Variants in CA5A observed in about 807,000 individuals in gnomAD.
CA5A encodes carbonic anhydrase 5A, mitochondrial.
A neutral mutation model predicts 37.1 loss-of-function variants in CA5A; 28 were observed. The ratio of observed to expected loss-of-function variants is 0.75; its 90% CI spans 0.56 to 1.03. The LOEUF is 1.03. Ranked by LOEUF, CA5A falls within the 50% of genes least tolerant of loss-of-function variation. The pLI, the probability that CA5A is intolerant of heterozygous loss-of-function variation, is 0.00. For synonymous variants in CA5A, 171 were observed against 158.4 expected, an observed-to-expected ratio of 1.08 and a Z score of -0.60; for missense variants, 444 against 399.9, an observed-to-expected ratio of 1.11 and a Z score of -0.94.
intron 2 of CA5A, among the ~76,000 whole-genome samples, chr16:87,913,653 G>GC (rs201970341): frequency 2.6e-4 from 37 of 139,958 alleles, no homozygotes; most frequent in African/African-American, 4.1e-4. Context: ...CTGTGCCGTG[G>GC]CCCCCCCCTC....
chr16:87,885,190 AAAC>A (rs534897829), downstream of CA5A: 23 of 169,954 alleles, frequency 1.4e-4, no homozygotes, highest in Admixed American at 3.0e-4. Context: ...AAACAAAACA[AAAC>A]AACAACAACA....
chr16:87,903,661 G>C (rs2055914039), intron 3 of CA5A, among the ~76,000 whole-genome samples: 1 of 152,150 alleles, frequency 6.6e-6, no homozygotes, highest in Admixed American at 6.5e-5. Flanking sequence ...GAGATTACAA[G>C]CAATTTTCAT....
chr16:87,891,725 A>T (rs2055716595), intron 6 of CA5A, 74 bp downstream of exon 6: 1 of 1,252,190 alleles, frequency 8.0e-7, no homozygotes, highest in Admixed American at 3.5e-5. Flanking sequence ...CTCATGCAGC[A>T]TCTTAGTGAC....
chr16:87,893,264 A>G, intron 5 of CA5A: 1 of 431,462 alleles, frequency 2.3e-6, no homozygotes, highest in East Asian at 4.2e-5. Flanking sequence ...AGTAGCTGGG[A>G]CTACATCTTC....
At chr16:87,915,355 C>T (rs2056121674) in intron 2 of CA5A, among the ~76,000 whole-genome samples, 1 of 152,006 alleles carries the variant, frequency 6.6e-6, no homozygotes. Flanking sequence ...GTACCCACAG[C>T]ATTGTAGAAC....
intron 2 of CA5A, chr16:87,923,847 A>G: frequency 1.0e-6 from 1 of 984,908 alleles, no homozygotes; most frequent in Non-Finnish European, 1.2e-6. Flanking sequence ...TATCCATGAC[A>G]ACTATTGTTC....
At chr16:87,881,813 A>G (rs927176198) in exon 5 of CA5A, 3 of 152,146 alleles carry the variant, frequency 2.0e-5, no homozygotes, top group Non-Finnish European at 4.4e-5. Flanking sequence ...GTTTCATCTC[A>G]GTGTGTCCAG....
chr16:87,917,634 T>C (rs533752499), intron 2 of CA5A, among the ~76,000 whole-genome samples: 86 of 150,380 alleles, frequency 5.7e-4, no homozygotes, highest in South Asian at 4.0e-3. Context: ...AACACACATG[T>C]GCGCACACAC....
At chr16:87,888,298 G>A (rs2055666996) in intron 6 of CA5A, 26 bp from the exon 7 acceptor site, 1 of 1,602,434 alleles carries the variant, frequency 6.2e-7, no homozygotes, top group Non-Finnish European at 8.5e-7. Flanking sequence ...GCCAGGGTGA[G>A]CTTGGTATGA....
chr16:87,935,026 T>C (rs2056452903), intron 1 of CA5A, among the ~76,000 whole-genome samples: 1 of 152,154 alleles, frequency 6.6e-6, no homozygotes, highest in Admixed American at 6.5e-5. Context: ...CATCCTTCCA[T>C]GGCCCTGGAG....
chr16:87,905,787 T>G (rs2055952411), intron 2 of CA5A, among the ~76,000 whole-genome samples: 1 of 152,244 alleles, frequency 6.6e-6, no homozygotes, highest in Non-Finnish European at 1.5e-5. Flanking sequence ...TAAGTCACCC[T>G]AAACACTCAC....
intron 2 of CA5A, among the ~76,000 whole-genome samples, chr16:87,918,290 G>C (rs113469248): frequency 6.6e-6 from 1 of 152,202 alleles, no homozygotes; most frequent in Admixed American, 6.5e-5. Flanking sequence ...AGCTGTCTGT[G>C]GGGGGCACTC....
At chr16:87,903,995 C>A (rs2055919906) in intron 3 of CA5A, among the ~76,000 whole-genome samples, 1 of 152,152 alleles carries the variant, frequency 6.6e-6, no homozygotes. Flanking sequence ...CATTGATATG[C>A]ACTGATTTTC....
chr16:87,888,249 C>T lies in CA5A; in HGVS notation c.798G>A (p.Leu266=). ...TCTCCTCTTCACCAAGTGCAGAAAA[C>T]AGGAGAGTACGAAATGCAGAGAGCT... ...PSQLSAFRTL[L]FSALGEEEKM... The change falls in exon 7 of 7, where the codon CTG becomes CTA. Residue 266 remains leucine (L), a synonymous_variant. Transcript: ENST00000649794. The T allele has an allele frequency of 1.9e-6, 3 of 1,613,674 alleles. No homozygotes were observed. Among genetic ancestry groups the T allele is most frequent in the Non-Finnish European group, 1.7e-6 (2 of 1,179,700 alleles).
chr16:87,923,442 C>T, intron 2 of CA5A: 1 of 632,850 alleles, frequency 1.6e-6, no homozygotes, highest in Non-Finnish European at 2.0e-6. Context: ...CCCACCTCGG[C>T]TTCCCAAAGT....
chr16:87,893,348 C>T (rs1287290688), intron 5 of CA5A: 3 of 391,698 alleles, frequency 7.7e-6, no homozygotes, highest in Admixed American at 3.1e-5. Flanking sequence ...AGGATGGTCT[C>T]GATCTCCTGA....
chr16:87,903,416 G>T (rs2055909749), intron 3 of CA5A, among the ~76,000 whole-genome samples: 1 of 152,126 alleles, frequency 6.6e-6, no homozygotes, highest in Non-Finnish European at 1.5e-5. Context: ...TCCAGCCTAG[G>T]CAACAGAGTG....
intron 2 of CA5A, among the ~76,000 whole-genome samples, chr16:87,918,808 C>G (rs576345569): frequency 5.9e-5 from 9 of 152,182 alleles, no homozygotes; most frequent in Admixed American, 5.2e-4. Context: ...CCCTCCATCC[C>G]CAGCGGCTCC....
chr16:87,892,510 A>T (rs1188883243), intron 5 of CA5A, among the ~76,000 whole-genome samples: 2 of 135,304 alleles, frequency 1.5e-5, no homozygotes, highest in East Asian at 4.3e-4. Flanking sequence ...ACTCTGTCTC[A>T]AATAATAATA....
Sources: gnomAD v4.1 joint callset for allele counts (sites outside exome capture counted in the v4.1 genomes callset) on GRCh38, gnomAD v4.1.1 for gene constraint, MANE v1.5 for transcripts, NCBI Gene and HGNC (gene_info 2026-07-23, HGNC 2026-07-21) for gene names.